The following ELP1 variants were observed in gnomAD, a reference collection of about 807,000 sequenced individuals.
ELP1 encodes the protein elongator acetyltransferase complex subunit 1.
ELP1 carries 131 observed loss-of-function variants against 183.2 expected under a neutral mutation model. The ratio of observed to expected loss-of-function variants is 0.72; its 90% CI spans 0.62 to 0.83. The LOEUF is 0.83. Ranked by LOEUF, ELP1 falls within the 40% of genes least tolerant of loss-of-function variation. The pLI is 0.00. For missense variants in ELP1, 1,550 were observed against 1,594.9 expected (o/e 0.97, Z 0.48); for synonymous variants, 555 against 569.0 (o/e 0.98, Z 0.35).
At chr9:108,905,936 C>T (rs1369927430) in intron 14 of ELP1, among the ~76,000 whole-genome samples, 1 of 151,832 alleles carries the variant, frequency 6.6e-6, no homozygotes, top group African/African-American at 2.4e-5. Context: ...AAATTTCTTC[C>T]CATCACATTA....
chr9:108,896,804 C>A, intron 24 of ELP1, 149 bp downstream of exon 24: 1 of 1,020,788 alleles, frequency 9.8e-7, no homozygotes, highest in Non-Finnish European at 1.5e-6. Flanking sequence ...GAGGGCAGCA[C>A]TGAAAAAAAC....
intron 14 of ELP1, among the ~76,000 whole-genome samples, 178 bp from the exon 15 acceptor site, chr9:108,903,847 ACACACT>A (rs949827270): frequency 8.6e-5 from 13 of 150,318 alleles, no homozygotes; most frequent in African/African-American, 3.2e-4. Context: ...ACACACACAC[ACACACT>A]TATACACTTA....
intron 36 of ELP1, among the ~76,000 whole-genome samples, chr9:108,871,743 A>G (rs796419606): frequency 3.9e-5 from 6 of 152,350 alleles, no homozygotes; most frequent in African/African-American, 1.2e-4. Context: ...TTAAGTTCTC[A>G]TACAATGACT....
chr9:108,925,712 G>C (rs112663174), intron 5 of ELP1, among the ~76,000 whole-genome samples: 2 of 152,070 alleles, frequency 1.3e-5, no homozygotes, highest in African/African-American at 4.8e-5. Context: ...ACCAAGCCCA[G>C]CTAATTTTTA....
chr9:108,869,146 C>A lies in ELP1; in HGVS notation c.3968G>T (p.Arg1323Ile). The change falls in exon 37 of 37, where the codon AGA (arginine) becomes ATA (isoleucine). Residue 1323 changes from arginine (R) to isoleucine (I), a missense_variant. Physicochemically the swap from Arg to Ile is moderately conservative, Grantham distance 97. Coordinates refer to ENST00000374647, the MANE Select transcript of ELP1 (RefSeq NM_003640.5). ...TAGCAGGCTCAGCTTCCACTGGGTT[C>A]TTCTGTTGATCTTTGGTGGTATAAA... ...ELFIPPKINR[R>I]TQWKLSLLD is the part of the protein sequence containing the mutation. 3 of 1,614,150 alleles carry A rather than the reference C, an allele frequency of 1.9e-6. No homozygotes were observed. The highest frequency in any genetic ancestry group is 2.5e-6 in the Non-Finnish European group (3 of 1,180,012).
At chr9:108,918,450 C>T (rs917770420) in intron 8 of ELP1, among the ~76,000 whole-genome samples, 4 of 152,146 alleles carry the variant, frequency 2.6e-5, no homozygotes, top group African/African-American at 7.2e-5. Context: ...CCATTTGCCC[C>T]ACAGAGCCTT....
At chr9:108,887,463 G>T (rs1196218439) in intron 29 of ELP1, among the ~76,000 whole-genome samples, 1 of 152,142 alleles carries the variant, frequency 6.6e-6, no homozygotes, top group South Asian at 2.1e-4. Context: ...ACACCCAAGA[G>T]CTTCTAGAAC....
At chr9:108,899,312 A>C (rs2131986409) in intron 20 of ELP1, among the ~76,000 whole-genome samples, 1 of 152,100 alleles carries the variant, frequency 6.6e-6, no homozygotes, top group African/African-American at 2.4e-5. Flanking sequence ...AAAAAAAACA[A>C]AGAAAATCAT....
At chr9:108,873,864 CTAAATGAA>C (rs1827586455) in intron 36 of ELP1, among the ~76,000 whole-genome samples, 1 of 150,520 alleles carries the variant, frequency 6.6e-6, no homozygotes, top group Admixed American at 6.6e-5. Flanking sequence ...GTTTTTTTTT[CTAAATGAA>C]AAAACTTAAG....
At chr9:108,875,985 T>C (rs1223133711) in intron 35 of ELP1, among the ~76,000 whole-genome samples, 2 of 152,128 alleles carry the variant, frequency 1.3e-5, no homozygotes, top group Admixed American at 6.6e-5. Flanking sequence ...TAAATTATTA[T>C]CTTCAAGCCG....
At chr9:108,871,355 C>T (rs148238396) in intron 36 of ELP1, among the ~76,000 whole-genome samples, 97 of 152,182 alleles carry the variant, frequency 6.4e-4, no homozygotes, top group African/African-American at 2.0e-3. Context: ...GGGGTGGCCT[C>T]GGGCATTCTC....
At position 108,893,892 on chromosome 9, in the gene ELP1, G is replaced by C. The variant is rs997511848; in HGVS notation, c.2860+51C>G. On this transcript the variant is annotated intron_variant, in intron 26 of 36. Coordinates refer to ENST00000374647, the MANE Select transcript of ELP1 (RefSeq NM_003640.5). ...AACAGTTTAATTTATACCTTGCCTA[G>C]TTCCAAAGAAGATCTGAAGTAGAGA... The C allele has an allele frequency of 5.0e-6, 8 of 1,603,058 alleles. No individual in the cohort carries two copies. In the African/African-American group the frequency reaches 1.1e-4, roughly 21 times the overall value.
chr9:108,908,578 T>C (rs1307210951), intron 12 of ELP1, among the ~76,000 whole-genome samples, 174 bp from the exon 13 acceptor site: 1 of 152,192 alleles, frequency 6.6e-6, no homozygotes. Context: ...TCAGTCATAA[T>C]CTTCCCTGAC....
chr9:108,928,021 TAA>T (rs1032300797), intron 3 of ELP1, among the ~76,000 whole-genome samples: 1 of 152,170 alleles, frequency 6.6e-6, no homozygotes, highest in African/African-American at 2.4e-5. Context: ...TTAAAATAAC[TAA>T]AAGACTGTAA....
chr9:108,895,511 A>C lies in ELP1; in HGVS notation c.2736+985T>G, dbSNP rs573810595. ...GGTGAGGGGCAAGGGAAGGGGGACA[A>C]AAGCATTGTCTTTCCTCCATGGGCA... is the stretch of plus-strand genomic sequence containing the variant. On this transcript the variant is annotated intron_variant, in intron 25 of 36. Coordinates refer to ENST00000374647, the MANE Select transcript of ELP1 (RefSeq NM_003640.5). Among the ~76,000 whole-genome samples, 6 of 152,314 alleles carry C rather than the reference A, an allele frequency of 3.9e-5. No homozygotes were observed. In the East Asian group the frequency reaches 1.2e-3, roughly 29 times the overall value.
At chr9:108,896,853 T>A in intron 24 of ELP1, 100 bp downstream of exon 24, 1 of 1,209,532 alleles carries the variant, frequency 8.3e-7, no homozygotes, top group Admixed American at 1.7e-5. Flanking sequence ...AAGTCACATG[T>A]TAAATCTGTG....
chr9:108,893,825 A>C, intron 26 of ELP1, 118 bp downstream of exon 26: 2 of 1,067,886 alleles, frequency 1.9e-6, no homozygotes, highest in Non-Finnish European at 2.8e-6. Flanking sequence ...TAATTGTTAG[A>C]GTTTTCAGGA....
chr9:108,884,482 AACAG>A (rs933874805), intron 29 of ELP1, among the ~76,000 whole-genome samples: 36 of 152,150 alleles, frequency 2.4e-4, no homozygotes, highest in Non-Finnish European at 4.3e-4. Context: ...CATTCTGTAA[AACAG>A]ACCATATTAT....
intron 9 of ELP1, among the ~76,000 whole-genome samples, chr9:108,916,498 A>G (rs1339870577): frequency 6.6e-6 from 1 of 152,192 alleles, no homozygotes; most frequent in Non-Finnish European, 1.5e-5. Flanking sequence ...AAAAAGAAAT[A>G]CATTATGCTT....
Sources: allele counts gnomAD v4.1 joint callset (sites outside exome capture counted in the v4.1 genomes callset), GRCh38; gene constraint gnomAD v4.1.1; transcripts MANE v1.5; gene names NCBI Gene and HGNC (gene_info 2026-07-23, HGNC 2026-07-21).